The following PKD1L3 variants were observed in gnomAD, a reference collection of about 807,000 sequenced individuals.
PKD1L3 encodes polycystin 1 like 3, transient receptor potential channel interacting, also known as polycystin-1-like protein 3.
A neutral mutation model predicts 184.1 loss-of-function variants in PKD1L3; 239 were observed. The ratio of observed to expected loss-of-function variants is 1.30; its 90% confidence interval spans 1.17 to 1.45. PKD1L3 has a LOEUF of 1.45. Ranked by LOEUF, PKD1L3 falls within the 40% of genes most tolerant of loss-of-function variation. PKD1L3 has a pLI of 0.00. For missense variants in PKD1L3, 2,660 were observed against 2,067.2 expected (o/e 1.29, Z -5.56); for synonymous variants, 996 against 778.8 (o/e 1.28, Z -4.64).
Position 71,949,658 on chromosome 16 carries a change from T to C in PKD1L3, c.3618+125A>G, listed in dbSNP as rs2038752802. ...GTGAGCCACTACACCCAGCCTGGTT[T>C]GCCTATTTGTTTTTTGTTGTTTATG... is the stretch of plus-strand genomic sequence containing the variant. On this transcript the variant is annotated intron_variant, in intron 21 of 29. Coordinates refer to ENST00000620267, the MANE Select transcript of PKD1L3 (RefSeq NM_181536.2). The C allele has an allele frequency of 9.0e-6, 8 of 884,950 alleles. No individual in the cohort carries two copies. In the South Asian group the frequency reaches 1.2e-4, roughly 14 times the overall value. The allele number at this position is 884,950 out of a possible 1,614,324, so 54.8% of individuals were successfully genotyped here.
In PKD1L3 at chr16:71,942,686, G is replaced by A. The variant is rs771055589; in HGVS notation, c.4198C>T (p.Pro1400Ser). ...HTCGRPKSLF[P>S]GLHLRRFSYI... ...CTGAACCTCCTTAGATGAAGTCCAG[G>A]GAATAGGCTCTTGGGACGCCCACAG... The change falls in exon 24 of 30, where the codon CCT becomes TCT. Residue 1400 changes from proline (P) to serine (S), a missense_variant. Transcript: ENST00000620267. The A allele has an allele frequency of 6.4e-7, 1 of 1,551,696 alleles. No homozygotes were observed. The highest frequency in any genetic ancestry group is 8.7e-7 in the Non-Finnish European group (1 of 1,147,008).
At chr16:71,998,207 C>T (rs2040857240) in intron 2 of PKD1L3, 65 bp downstream of exon 2, 1 of 1,536,802 alleles carries the variant, frequency 6.5e-7, no homozygotes, top group African/African-American at 1.4e-5. Flanking sequence ...TTCTCACATG[C>T]ACTCCTTATT....
chr16:71,934,748 TA>T (rs1363612603), intron 26 of PKD1L3, among the ~76,000 whole-genome samples: 9 of 152,242 alleles, frequency 5.9e-5, no homozygotes, highest in African/African-American at 2.2e-4. Context: ...TGTCACTGCA[TA>T]AACTGCTCTC....
intron 2 of PKD1L3, among the ~76,000 whole-genome samples, chr16:71,995,353 T>A (rs1281842518): frequency 6.6e-6 from 1 of 152,234 alleles, no homozygotes; most frequent in African/African-American, 2.4e-5. Context: ...GCAATAATTA[T>A]GGAAAACATT....
rs2038083532 is a variant in PKD1L3, at chr16:71,933,950, TCAG to T, written c.4786_4788del (p.Leu1596del). 1 of 1,551,352 alleles carries T rather than the reference TCAG, an allele frequency of 6.4e-7. No individual in the cohort carries two copies. The highest frequency in any genetic ancestry group is 1.4e-5 in the African/African-American group (1 of 72,984). ...TAGCCTGTCAGCAGGATTAGGATGA[TCAG>T]CAGAAAGCCCACCACCTCGTCCCAG... On this transcript the variant is annotated inframe_deletion, in exon 27 of 30. Coordinates refer to ENST00000620267, the MANE Select transcript of PKD1L3 (RefSeq NM_181536.2).
In PKD1L3 at chr16:71,942,951, G is replaced by A. The variant is rs1018642442; in HGVS notation, c.3933C>T (p.His1311=). ...SAKNSNRFYL[H]QAIWKTFSHQ... is the part of the protein sequence containing the mutation. ...GCGAAAATGTCTTCCAGATAGCTTG[G>A]TGGAGGTAAAATCTATTGGAGTTCT... Residue 1311 remains histidine (H), a synonymous_variant, in exon 24 of 30, where the codon CAC becomes CAT. Coordinates refer to ENST00000620267, the MANE Select transcript of PKD1L3 (RefSeq NM_181536.2). 5 of 1,551,624 alleles carry A rather than the reference G, an allele frequency of 3.2e-6. No homozygotes were observed. The highest frequency in any genetic ancestry group is 4.4e-6 in the Non-Finnish European group (5 of 1,146,940).
Position 71,967,316 on chromosome 16 carries a change from C to G in PKD1L3, c.2287-1G>C. 1 of 1,548,476 alleles carries G rather than the reference C, an allele frequency of 6.5e-7. No homozygotes were observed. Among genetic ancestry groups the G allele is most frequent in the Non-Finnish European group, 8.7e-7 (1 of 1,145,686 alleles). On this transcript the variant is annotated splice_acceptor_variant, in intron 14 of 29. Coordinates refer to ENST00000620267, the MANE Select transcript of PKD1L3 (RefSeq NM_181536.2). LOFTEE classifies it high-confidence loss of function. Reference sequence around the variant, plus strand: ...CTGATCCATAGAGGGTGATGACAACCTACAATGAGACAGGGAAAGATAAAA... The same window carrying G: ...CTGATCCATAGAGGGTGATGACAACGTACAATGAGACAGGGAAAGATAAAA...
intron 16 of PKD1L3, among the ~76,000 whole-genome samples, chr16:71,961,571 G>A (rs1382112966): frequency 6.6e-6 from 1 of 152,038 alleles, no homozygotes; most frequent in Non-Finnish European, 1.5e-5. Context: ...CCATACATAG[G>A]TGCTTTGTTG....
intron 13 of PKD1L3, among the ~76,000 whole-genome samples, chr16:71,968,512 G>A (rs949838309): frequency 1.3e-5 from 2 of 152,114 alleles, no homozygotes; most frequent in African/African-American, 4.8e-5. Flanking sequence ...AGAAAACATA[G>A]GAAGAACAAA....
chr16:71,988,528 C>T (rs189802840), intron 4 of PKD1L3, among the ~76,000 whole-genome samples: 2 of 152,296 alleles, frequency 1.3e-5, no homozygotes, highest in Non-Finnish European at 2.9e-5. Flanking sequence ...GAGATGGTGA[C>T]TTGGACCATG....
At chr16:71,969,471 C>CTTTTTT (rs71391427) in intron 13 of PKD1L3, among the ~76,000 whole-genome samples, 6 of 117,358 alleles carry the variant, frequency 5.1e-5, no homozygotes, top group Non-Finnish European at 1.0e-4. Context: ...ATGCCAGGCT[C>CTTTTTT]TTTTTTTTTT....
In PKD1L3 at chr16:71,945,293, TATATATATATATAC is replaced by T. The variant is rs1313740956; in HGVS notation, c.3719-1137_3719-1124del. On this transcript the variant is annotated intron_variant, in intron 22 of 29. Transcript: ENST00000620267. The stretch of plus-strand genomic sequence containing the variant: ...ATATATATATATATATATATATATA[TATATATATATATAC>T]ACACACACACACACATATATACACA... 4.2e-4 allele frequency among the ~76,000 whole-genome samples: 30 copies of T among 70,982 alleles called. 2 individuals are homozygous for T. Among genetic ancestry groups the T allele is most frequent in the African/African-American group, 9.5e-4 (14 of 14,668 alleles). The allele number at this position is 70,982 out of a possible 152,430, so 46.6% of individuals were successfully genotyped here. A position where few individuals can be genotyped will look rare whatever the true frequency, so the allele number is the denominator to read the frequency against.
At chr16:71,971,450 A>T (rs2039705302) in intron 12 of PKD1L3, among the ~76,000 whole-genome samples, 1 of 152,088 alleles carries the variant, frequency 6.6e-6, no homozygotes, top group African/African-American at 2.4e-5. Context: ...TAAGTCCTGG[A>T]GGCCCAATCT....
At chr16:71,990,142 C>A in intron 4 of PKD1L3, 138 bp downstream of exon 4, 7 of 486,474 alleles carry the variant, frequency 1.4e-5, no homozygotes, top group East Asian at 5.6e-5. Context: ...CAATTTTTTT[C>A]TTGCACGTAA....
intron 23 of PKD1L3, among the ~76,000 whole-genome samples, chr16:71,943,231 C>T (rs2038424265): frequency 6.6e-6 from 1 of 152,076 alleles, no homozygotes; most frequent in Non-Finnish European, 1.5e-5. Context: ...ATACATTTTA[C>T]TTAAAATAAG....
intron 24 of PKD1L3, among the ~76,000 whole-genome samples, 187 bp downstream of exon 24, chr16:71,942,373 C>T (rs2038390533): frequency 6.6e-6 from 1 of 152,026 alleles, no homozygotes; most frequent in Non-Finnish European, 1.5e-5. Flanking sequence ...AAATTATATA[C>T]AGATAAATTA....
chr16:71,996,951 ATTTTTTTTTT>A, intron 2 of PKD1L3, among the ~76,000 whole-genome samples: 1 of 129,596 alleles, frequency 7.7e-6, no homozygotes, highest in East Asian at 2.3e-4. Context: ...AATTGCTTTG[ATTTTTTTTTT>A]TTTTTTTTTT....
chr16:71,980,421 G>A (rs1295563125), intron 7 of PKD1L3, among the ~76,000 whole-genome samples: 4 of 152,140 alleles, frequency 2.6e-5, no homozygotes, highest in African/African-American at 9.7e-5. Flanking sequence ...CAGCTTTATT[G>A]AGGTAACTTT....
At chr16:71,931,463 CTTTTTTTTTTTTT>C (rs11405919) in intron 28 of PKD1L3, among the ~76,000 whole-genome samples, 2 of 115,920 alleles carry the variant, frequency 1.7e-5, no homozygotes, top group East Asian at 2.6e-4. Flanking sequence ...TTCTCCCCCA[CTTTTTTTTTTTTT>C]TTTTTTTTTT....
Sources: gnomAD v4.1 joint callset for allele counts (sites outside exome capture counted in the v4.1 genomes callset) on GRCh38, gnomAD v4.1.1 for gene constraint, MANE v1.5 for transcripts, NCBI Gene and HGNC (gene_info 2026-07-23, HGNC 2026-07-21) for gene names.